The following ITGA7 variants were observed in gnomAD, a reference collection of about 807,000 sequenced individuals.
ITGA7 encodes the protein integrin subunit alpha 7, also known as integrin alpha-7.
In ITGA7, 84 loss-of-function variants were observed where a neutral mutation model predicts 131.6. The observed-to-expected ratio is 0.64, with a 90% CI of 0.54 to 0.77. The LOEUF is 0.77. Ranked by LOEUF, ITGA7 falls within the 30% of genes least tolerant of loss-of-function variation. The pLI is 0.00. For missense variants in ITGA7, 1,399 were observed against 1,482.9 expected, an observed-to-expected ratio of 0.94 and a Z score of 0.93; for synonymous variants, 548 against 600.7, an observed-to-expected ratio of 0.91 and a Z score of 1.28.
intron 7 of ITGA7, 159 bp from the exon 8 acceptor site, chr12:55,698,185 A>C: frequency 2.4e-6 from 2 of 845,358 alleles, no homozygotes; most frequent in Non-Finnish European, 3.7e-6. Flanking sequence ...CCTCTTGGCC[A>C]CTCCCTGCAG....
In ITGA7 at chr12:55,694,304, A is replaced by T. The variant is rs1452090316; in HGVS notation, c.2384T>A (p.Val795Asp). 10 of 1,613,870 alleles carry T rather than the reference A, an allele frequency of 6.2e-6. No homozygotes were observed. Among genetic ancestry groups the T allele is most frequent in the Non-Finnish European group, 8.5e-6 (10 of 1,180,046 alleles). Residue 795 changes from valine to aspartate, a missense_variant, in exon 18 of 25, where the codon GTC becomes GAC. Val to Asp is a radical substitution (Grantham distance 152). Coordinates refer to ENST00000257879, the MANE Select transcript of ITGA7 (RefSeq NM_002206.3). This position sits in a 1 kb window ranked among gnomAD's most constrained non-coding sequence, Gnocchi z 5.3. ...AATGAAGACACGGGCTCGTGCAGAG[A>T]CTGGATGCAGCTCCTGCTCACTGAT... ...ATISEQELHP[V>D]SARARVFIEL...
At chr12:55,688,325 T>C in intron 22 of ITGA7, 25 bp from the exon 23 acceptor site, 1 of 1,504,556 alleles carries the variant, frequency 6.6e-7, no homozygotes, top group Non-Finnish European at 9.3e-7. Flanking sequence ...AAGGAGACCC[T>C]TCTCCTAAAT....
chr12:55,700,617 G>T, intron 4 of ITGA7: 2 of 635,472 alleles, frequency 3.1e-6, no homozygotes, highest in Non-Finnish European at 5.4e-6. Context: ...TGGCAGTGAT[G>T]AGGTGTGGGC....
rs748602754 is a variant in ITGA7 at position 55,697,057 on chromosome 12, C to G, written c.1579G>C (p.Val527Leu). ...SYSPTVALDY[V>L]LDADTDRRLR... ...CTCCGGTCTGTGTCCGCATCTAACA[C>G]ATAGTCCAGGGCTGTGGCATGTTGG... Residue 527 changes from valine (V) to leucine (L), a missense_variant, in exon 12 of 25, where the codon GTG (valine) becomes CTG (leucine). By Grantham distance (32) the Val-to-Leu change is conservative. Transcript: ENST00000257879. 4.3e-6 allele frequency: 7 copies of G among 1,613,904 alleles called. No homozygotes were observed. The Admixed American group carries it at 1.0e-4, about 23-fold the overall frequency.
At chr12:55,690,290 C>A (rs977263477) in intron 21 of ITGA7, among the ~76,000 whole-genome samples, 1 of 152,106 alleles carries the variant, frequency 6.6e-6, no homozygotes, top group Non-Finnish European at 1.5e-5. Context: ...AAACAAACAA[C>A]CCCATCAAAA....
Position 55,694,555 on chromosome 12 carries a change from G to A in ITGA7, c.2278-33C>T. On this transcript the variant is annotated intron_variant, in intron 16 of 24. Transcript: ENST00000257879. The surrounding 1 kb of genome is among the most constrained non-coding windows in gnomAD (Gnocchi z 5.3). ...AAGGGTGGAAAGAGATTAGAGTCAGGGGTGGTCTACGGGCTTATGGAGAGG... is the reference window on the plus strand; with the variant it reads ...AAGGGTGGAAAGAGATTAGAGTCAGAGGTGGTCTACGGGCTTATGGAGAGG... The A allele has an allele frequency of 1.9e-6, 3 of 1,613,372 alleles. No homozygotes were observed. The highest frequency in any genetic ancestry group is 1.3e-5 in the African/African-American group (1 of 75,040).
chr12:55,697,654 G>A (rs750874053), intron 9 of ITGA7, 41 bp downstream of exon 9: 2 of 1,613,960 alleles, frequency 1.2e-6, no homozygotes, highest in African/African-American at 2.7e-5. Context: ...ACAGGGAGGG[G>A]CTGACGGCCT....
At chr12:55,699,687 G>T in intron 5 of ITGA7, 183 bp downstream of exon 5, 1 of 747,004 alleles carries the variant, frequency 1.3e-6, no homozygotes. Context: ...CACCCTGGGG[G>T]CCTCCTCCTC....
chr12:55,715,911 A>AT, upstream of ITGA7: 1 of 1,070,336 alleles, frequency 9.3e-7, no homozygotes, highest in East Asian at 2.7e-5. Context: ...ACTTCTTCCA[A>AT]CACTCACCAA....
At chr12:55,709,223 T>C (rs1275170132), upstream of ITGA7, among the ~76,000 whole-genome samples, 1 of 152,188 alleles carries the variant, frequency 6.6e-6, no homozygotes, top group Non-Finnish European at 1.5e-5. Context: ...GTCTCTGCCC[T>C]TCAAACACTA....
rs1255270983 is a variant in ITGA7 at position 55,698,041 on chromosome 12, G to A, written c.1193-15C>T. 1 of 1,612,858 alleles carries A rather than the reference G, an allele frequency of 6.2e-7. No homozygotes were observed. Reference sequence around the variant, plus strand: ...CACTGCAATATCTGCAGGGCACAGGGAAAAGGCAGTCACGCTGGCTGGGGG... The same window carrying A: ...CACTGCAATATCTGCAGGGCACAGGAAAAAGGCAGTCACGCTGGCTGGGGG... On this transcript the variant is annotated splice_polypyrimidine_tract_variant and intron_variant, in intron 7 of 24. Transcript: ENST00000257879.
chr12:55,697,593 T>G (rs547940174), intron 9 of ITGA7, 47 bp from the exon 10 acceptor site: 1 of 1,610,064 alleles, frequency 6.2e-7, no homozygotes, highest in Non-Finnish European at 8.5e-7. Context: ...AACATGAGGC[T>G]GGGAAACACT....
chr12:55,712,424 T>C, upstream of ITGA7: 1 of 645,780 alleles, frequency 1.5e-6, no homozygotes, highest in South Asian at 1.8e-5. Context: ...CCCTCAGCCC[T>C]CATCCAACCC....
chr12:55,696,187 G>A (rs1872582482), intron 13 of ITGA7, 96 bp downstream of exon 13: 1 of 1,325,836 alleles, frequency 7.5e-7, no homozygotes, highest in Non-Finnish European at 1.0e-6. Context: ...ATACGTGAAA[G>A]GGCTCTGTGA....
At chr12:55,715,885 A>G (rs886924820), upstream of ITGA7, 55 of 837,432 alleles carry the variant, frequency 6.6e-5, no homozygotes, top group African/African-American at 3.7e-4. Context: ...GCTTGGCAAT[A>G]TAAGTATTAG....
chr12:55,697,246 C>A lies in ITGA7; in HGVS notation c.1537G>T (p.Ala513Ser). ...GTAGGGCTATAGCTGCTGGGGACTG[C>A]AATGTAGCTGAAACAGACCCTTAGG... Reference protein sequence around the residue: ...VDLRVCFSYIAVPSSYSPTVA... With the variant: ...VDLRVCFSYISVPSSYSPTVA... The change falls in exon 11 of 25, where the codon GCA becomes TCA. Residue 513 changes from alanine (A) to serine (S), a missense_variant. Ala to Ser is a moderately conservative substitution (Grantham distance 99). Coordinates refer to ENST00000257879, the MANE Select transcript of ITGA7 (RefSeq NM_002206.3). 1 of 1,598,794 alleles carries A rather than the reference C, an allele frequency of 6.3e-7. No homozygotes were observed. Among genetic ancestry groups the A allele is most frequent in the South Asian group, 1.1e-5 (1 of 88,628 alleles).
chr12:55,699,818 G>A (rs1873544515), intron 5 of ITGA7, 52 bp downstream of exon 5: 1 of 1,569,552 alleles, frequency 6.4e-7, no homozygotes, highest in Admixed American at 1.9e-5. Flanking sequence ...CCTGGGGAAG[G>A]AGGGGAGGCT....
chr12:55,704,590 G>A (rs568629042), intron 1 of ITGA7, among the ~76,000 whole-genome samples: 2 of 152,308 alleles, frequency 1.3e-5, no homozygotes, highest in South Asian at 4.1e-4. Context: ...CCACATATGT[G>A]CCAAGCACCA....
Position 55,694,132 on chromosome 12 carries a change from G to A in ITGA7, c.2433-9C>T. 1.2e-6 allele frequency: 2 copies of A among 1,613,176 alleles called. No individual in the cohort carries two copies. Among genetic ancestry groups the A allele is most frequent in the African/African-American group, 1.3e-5 (1 of 75,064 alleles). ...GCTGGGGAATGGCCATTCTGGCGTGGAGAGGTCAGAACAGGGGTGAGAAGG... is the reference window on the plus strand; with the variant it reads ...GCTGGGGAATGGCCATTCTGGCGTGAAGAGGTCAGAACAGGGGTGAGAAGG... On this transcript the variant is annotated splice_polypyrimidine_tract_variant and intron_variant, in intron 18 of 24. Coordinates refer to ENST00000257879, the MANE Select transcript of ITGA7 (RefSeq NM_002206.3). The surrounding 1 kb of genome is among the most constrained non-coding windows in gnomAD (Gnocchi z 5.3).
Sources: gnomAD v4.1 joint callset for allele counts (sites outside exome capture counted in the v4.1 genomes callset) on GRCh38, gnomAD v4.1.1 for gene constraint, Gnocchi (gnomAD v3.1) non-coding constraint, MANE v1.5 for transcripts, NCBI Gene and HGNC (gene_info 2026-07-23, HGNC 2026-07-21) for gene names.